Variants in TRIM51G observed in about 807,000 individuals in gnomAD.
The protein encoded by TRIM51G is tripartite motif-containing 51G.
chr11:48,983,589 T>C, the TRIM51G span, among the ~76,000 whole-genome samples: 2 of 151,420 alleles, frequency 1.3e-5, no homozygotes, highest in Non-Finnish European at 3.0e-5. Context: ...ATGACAACAA[T>C]TAATAACCTC....
chr11:48,983,763 G>T, the TRIM51G span, among the ~76,000 whole-genome samples: 1 of 151,996 alleles, frequency 6.6e-6, no homozygotes, highest in Non-Finnish European at 1.5e-5. Context: ...AATGTTTCCT[G>T]CAGTAATTCT....
At chr11:48,975,621 G>C in the TRIM51G span, 5 of 1,401,048 alleles carry the variant, frequency 3.6e-6, no homozygotes, top group Non-Finnish European at 5.1e-6. Context: ...CACAATCCAG[G>C]AATAATCCTA....
chr11:48,977,359 G>A, the TRIM51G span, among the ~76,000 whole-genome samples: 7 of 152,006 alleles, frequency 4.6e-5, no homozygotes, highest in Admixed American at 2.0e-4. Flanking sequence ...TTTCAAGCAC[G>A]ATGGAAAAGT....
the TRIM51G span, chr11:48,977,052 T>G: frequency 2.3e-5 from 18 of 771,194 alleles, no homozygotes; most frequent in African/African-American, 3.1e-4. Context: ...AAGTAATACA[T>G]TGTGGGAATT....
At chr11:48,981,761 T>G in the TRIM51G span, 6 of 1,483,506 alleles carry the variant, frequency 4.0e-6, no homozygotes, top group East Asian at 2.3e-5. Context: ...TGTGAACATA[T>G]CACCATATGT....
At chr11:48,979,665 A>G in the TRIM51G span, among the ~76,000 whole-genome samples, 1 of 151,990 alleles carries the variant, frequency 6.6e-6, no homozygotes, top group Non-Finnish European at 1.5e-5. Context: ...TGTTTTCTAT[A>G]ACTAGAATTA....
chr11:48,977,226 A>G, the TRIM51G span: 28 of 835,694 alleles, frequency 3.4e-5, 1 homozygote, highest in Admixed American at 1.8e-4. Context: ...AGCCAAAAAA[A>G]TACATAAGAA....
chr11:48,981,106 A>T, the TRIM51G span: 2 of 1,095,298 alleles, frequency 1.8e-6, no homozygotes, highest in Non-Finnish European at 2.6e-6. Context: ...CCCACAGAAA[A>T]TAGAGTTTGC....
At chr11:48,977,085 C>T in the TRIM51G span, 2 of 1,032,762 alleles carry the variant, frequency 1.9e-6, no homozygotes, top group East Asian at 4.8e-5. Flanking sequence ...TGACACTCAC[C>T]TCTGAATCCC....
the TRIM51G span, chr11:48,978,938 C>G: frequency 6.3e-7 from 1 of 1,590,196 alleles, no homozygotes; most frequent in Non-Finnish European, 8.6e-7. Context: ...CTCTTAAAAG[C>G]TCCCTGGAAT....
chr11:48,982,193 C>T, the TRIM51G span, among the ~76,000 whole-genome samples: 1 of 152,020 alleles, frequency 6.6e-6, no homozygotes, highest in Non-Finnish European at 1.5e-5. Flanking sequence ...CAGAACAAAC[C>T]AACCGACCAG....
chr11:48,978,994 CG>C, the TRIM51G span: 1 of 1,456,232 alleles, frequency 6.9e-7, no homozygotes, highest in Non-Finnish European at 9.7e-7. Context: ...AAAATGTCCT[CG>C]CCCTCCTTTT....
chr11:48,977,505 T>C, the TRIM51G span, among the ~76,000 whole-genome samples: 1 of 152,134 alleles, frequency 6.6e-6, no homozygotes, highest in Non-Finnish European at 1.5e-5. Flanking sequence ...CTGAAATTAC[T>C]GTCTGGAAAA....
At chr11:48,978,445 T>C in the TRIM51G span, among the ~76,000 whole-genome samples, 1 of 152,162 alleles carries the variant, frequency 6.6e-6, no homozygotes, top group Non-Finnish European at 1.5e-5. Context: ...CTCAGTCATC[T>C]TCCCTAAGCC....
At chr11:48,977,455 C>G in the TRIM51G span, among the ~76,000 whole-genome samples, 2 of 152,206 alleles carry the variant, frequency 1.3e-5, no homozygotes, top group African/African-American at 4.8e-5. Flanking sequence ...GGAGAATATT[C>G]AAAAATGAAA....
chr11:48,982,095 C>A, the TRIM51G span, among the ~76,000 whole-genome samples: 1 of 151,672 alleles, frequency 6.6e-6, no homozygotes, highest in Non-Finnish European at 1.5e-5. Context: ...CACTGGGTAA[C>A]AAAACATGAG....
the TRIM51G span, among the ~76,000 whole-genome samples, chr11:48,982,668 C>G: frequency 6.6e-6 from 1 of 151,780 alleles, no homozygotes; most frequent in Non-Finnish European, 1.5e-5. Context: ...TTAATGACAG[C>G]CTGTGTTCAA....
At chr11:48,977,895 CTTTT>C in the TRIM51G span, among the ~76,000 whole-genome samples, 15 of 99,980 alleles carry the variant, frequency 1.5e-4, no homozygotes, top group East Asian at 2.4e-4. Flanking sequence ...TGTTCTCTTT[CTTTT>C]TTATTTATTT....
the TRIM51G span, chr11:48,975,591 A>G: frequency 7.2e-7 from 1 of 1,386,850 alleles, no homozygotes; most frequent in South Asian, 1.2e-5. Flanking sequence ...CCACATCAAC[A>G]AAGCTCACGG....
Sources: allele counts gnomAD v4.1 joint callset (sites outside exome capture counted in the v4.1 genomes callset), GRCh38; gene constraint gnomAD v4.1.1; transcripts MANE v1.5; gene names NCBI Gene and HGNC (gene_info 2026-07-23, HGNC 2026-07-21).